The following RGS12 variants were observed in gnomAD, a reference collection of about 807,000 sequenced individuals.
The protein encoded by RGS12 is regulator of G protein signaling 12.
A neutral mutation model predicts 120.1 loss-of-function variants in RGS12; 66 were observed. That is an observed-to-expected ratio of 0.55 (90% CI 0.45 to 0.67). The LOEUF (loss-of-function observed/expected upper bound fraction) is 0.67, where lower values mean the gene tolerates loss of function less well. RGS12 is among the 30% of genes least tolerant of loss of function. The pLI is 0.00. For missense variants in RGS12, 1,859 were observed against 1,957.7 expected (o/e 0.95, Z 0.95); for synonymous variants, 827 against 804.7 (o/e 1.03, Z -0.47).
At chr4:3,423,143 C>G (rs981853998) in intron 12 of RGS12, among the ~76,000 whole-genome samples, 165 bp downstream of exon 12, 1 of 152,164 alleles carries the variant, frequency 6.6e-6, no homozygotes, top group Non-Finnish European at 1.5e-5. Flanking sequence ...GAGGCAGCCC[C>G]CCTACAAGCC....
At chr4:3,402,599 T>G (rs565541193) in intron 4 of RGS12, among the ~76,000 whole-genome samples, 47 of 152,260 alleles carry the variant, frequency 3.1e-4, no homozygotes, top group African/African-American at 9.6e-4. Flanking sequence ...CCTCATGAGG[T>G]CAGCATTTGG....
In RGS12 at chr4:3,423,414, C is replaced by G. The variant is rs374455769; in HGVS notation, c.3108-101C>G. 741 of 1,509,568 alleles carry G rather than the reference C, an allele frequency of 4.9e-4. 6 individuals carry two copies. The South Asian group carries it at 8.4e-3, about 17-fold the overall frequency. The allele number at this position is 1,509,568 out of a possible 1,614,324, so 93.5% of individuals were successfully genotyped here. On this transcript the variant is annotated intron_variant, in intron 12 of 17. Transcript: ENST00000336727. ...GCTGAACTGGGGGGCACACCGAGGC[C>G]TTGAGGGCGGCCTGGGGCTGTGCTG...
At chr4:3,313,581 C>T (rs1436953099) in intron 1 of RGS12, among the ~76,000 whole-genome samples, 1 of 152,178 alleles carries the variant, frequency 6.6e-6, no homozygotes, top group African/African-American at 2.4e-5. Flanking sequence ...CCTGCGTTTT[C>T]GGGGGCCTCG....
intron 17 of RGS12, chr4:3,432,047 G>A (rs1003998369): frequency 5.3e-5 from 52 of 985,256 alleles, no homozygotes; most frequent in East Asian, 1.1e-4. Context: ...CATGCCCACC[G>A]GTGCCACTCT....
intron 1 of RGS12, among the ~76,000 whole-genome samples, chr4:3,298,023 C>T (rs965937362): frequency 2.6e-5 from 4 of 152,068 alleles, no homozygotes; most frequent in African/African-American, 9.7e-5. Context: ...GAAAATGTTG[C>T]TTCATTGCAT....
rs777957587 is a variant in RGS12 at position 3,420,702 on chromosome 4, C to T, written c.2822C>T (p.Ala941Val). 14 of 1,612,484 alleles carry T rather than the reference C, an allele frequency of 8.7e-6. No homozygotes were observed. Among genetic ancestry groups the T allele is most frequent in the East Asian group, 2.2e-5 (1 of 44,894 alleles). ...GAGTCGCAGGGCTCTGTGTCCTCTG[C>T]GGGGAGCCTGGACCTGGTGAGTCAC... ...RRESQGSVSS[A>V]GSLDLSEACR... The change falls in exon 10 of 18, where the codon GCG becomes GTG. Residue 941 changes from alanine to valine, a missense_variant. Ala to Val is a moderately conservative substitution (Grantham distance 64, BLOSUM62 0). This residue lies in a region of RGS12 where 375 missense variants were observed against 475.0 expected (regional missense o/e 0.79). Transcript: ENST00000336727.
intron 12 of RGS12, 87 bp downstream of exon 12, chr4:3,423,065 C>T (rs537001216): frequency 2.4e-5 from 24 of 1,016,862 alleles, no homozygotes; most frequent in Middle Eastern, 2.1e-4. Flanking sequence ...GCTTAGCGGG[C>T]GGCCTGTGGA....
At chr4:3,378,750 A>C (rs750112625) in intron 3 of RGS12, among the ~76,000 whole-genome samples, 3 of 152,230 alleles carry the variant, frequency 2.0e-5, no homozygotes, top group Non-Finnish European at 2.9e-5. Flanking sequence ...GAAAGGCAAA[A>C]GATAACAAGT....
chr4:3,360,966 G>C (rs1040452124), intron 3 of RGS12, among the ~76,000 whole-genome samples: 1 of 152,196 alleles, frequency 6.6e-6, no homozygotes, highest in Non-Finnish European at 1.5e-5. Flanking sequence ...TGTACCAAGA[G>C]CATGTGCAAG....
intron 3 of RGS12, among the ~76,000 whole-genome samples, chr4:3,373,013 G>A (rs536278784): frequency 3.9e-5 from 6 of 152,208 alleles, no homozygotes; most frequent in Non-Finnish European, 7.3e-5. Context: ...TCTGCGGCCC[G>A]GCGTGGCTGC....
chr4:3,369,906 A>T, intron 3 of RGS12: 1 of 517,818 alleles, frequency 1.9e-6, no homozygotes, highest in Non-Finnish European at 2.6e-6. Flanking sequence ...AGCTGTAATT[A>T]AGGTTGTGAA....
At chr4:3,367,025 C>T (rs990117419) in intron 3 of RGS12, among the ~76,000 whole-genome samples, 1 of 152,222 alleles carries the variant, frequency 6.6e-6, no homozygotes, top group African/African-American at 2.4e-5. Flanking sequence ...TGGCTGGACC[C>T]AGAGCTCCCA....
chr4:3,300,707 T>C (rs1032772167), intron 1 of RGS12, among the ~76,000 whole-genome samples: 6 of 152,186 alleles, frequency 3.9e-5, no homozygotes, highest in Non-Finnish European at 7.4e-5. Context: ...TTTGCATTGC[T>C]CCAGTCCCTG....
chr4:3,402,526 G>A (rs1172527106), intron 4 of RGS12, among the ~76,000 whole-genome samples: 1 of 152,172 alleles, frequency 6.6e-6, no homozygotes, highest in Non-Finnish European at 1.5e-5. Context: ...TGTGTCTTCA[G>A]TTTTCTGTGT....
At chr4:3,369,658 T>A (rs1415083313) in intron 3 of RGS12, among the ~76,000 whole-genome samples, 2 of 152,230 alleles carry the variant, frequency 1.3e-5, no homozygotes, top group African/African-American at 2.4e-5. Flanking sequence ...AATTAACAGA[T>A]GATTTTGCAG....
chr4:3,295,308 A>G (rs1017609183), intron 1 of RGS12, among the ~76,000 whole-genome samples: 2 of 152,190 alleles, frequency 1.3e-5, no homozygotes, highest in African/African-American at 4.8e-5. Flanking sequence ...CCTGGTTGAC[A>G]GTATGTGGAT....
intron 3 of RGS12, among the ~76,000 whole-genome samples, chr4:3,349,376 C>T (rs1378703721): frequency 1.3e-5 from 2 of 152,166 alleles, no homozygotes; most frequent in Admixed American, 6.5e-5. Context: ...GAGTCTTTGT[C>T]ATACAAAATT....
intron 17 of RGS12, among the ~76,000 whole-genome samples, chr4:3,436,077 TCA>T (rs897663938): frequency 6.6e-6 from 1 of 152,054 alleles, no homozygotes; most frequent in Non-Finnish European, 1.5e-5. Context: ...CCCCAGCCCA[TCA>T]CACACAGTCA....
intron 13 of RGS12, among the ~76,000 whole-genome samples, chr4:3,425,018 G>T (rs946292525): frequency 6.6e-6 from 1 of 152,236 alleles, no homozygotes; most frequent in Non-Finnish European, 1.5e-5. Flanking sequence ...CCAGAGGAGA[G>T]CTCTGATGCA....
Sources: gnomAD v4.1 joint callset for allele counts (sites outside exome capture counted in the v4.1 genomes callset) on GRCh38, gnomAD v4.1.1 for gene constraint, gnomAD v4.1.1 regional missense constraint, MANE v1.5 for transcripts, NCBI Gene and HGNC (gene_info 2026-07-23, HGNC 2026-07-21) for gene names.